Variants in SPTBN1 observed in about 807,000 individuals in gnomAD.
SPTBN1 encodes the protein spectrin beta chain, non-erythrocytic 1.
Under a neutral mutation model 266.4 loss-of-function variants are expected in SPTBN1, and 32 were observed. The observed-to-expected ratio is 0.12, with a 90% CI of 0.09 to 0.16. The LOEUF is 0.16. SPTBN1 is among the 10% of genes least tolerant of loss of function. The probability of loss-of-function intolerance (pLI) is 1.00; values close to 1 mark genes in which losing one functional copy is unlikely to be tolerated. For synonymous variants in SPTBN1, 1,336 were observed against 1,162.2 expected (o/e 1.15, Z -3.04); for missense variants, 2,296 against 3,067.1 (o/e 0.75, Z 5.94).
chr2:54,644,291 T>G (rs760580826), intron 19 of SPTBN1, 32 bp from the exon 20 acceptor site: 1 of 1,583,640 alleles, frequency 6.3e-7, no homozygotes, highest in Non-Finnish European at 8.6e-7. Flanking sequence ...GCAAACTTGT[T>G]TATTTACAAC....
chr2:54,550,286 C>T (rs927606201), intron 2 of SPTBN1, among the ~76,000 whole-genome samples: 2 of 152,172 alleles, frequency 1.3e-5, no homozygotes, highest in Admixed American at 1.3e-4. Flanking sequence ...CTGTGCCCAG[C>T]GAGTGGCTGC....
At chr2:54,642,897 A>T (rs1199469475) in intron 18 of SPTBN1, 86 bp from the exon 19 acceptor site, 3 of 1,511,818 alleles carry the variant, frequency 2.0e-6, no homozygotes, top group Non-Finnish European at 1.8e-6. Context: ...AGTATGCATA[A>T]TATGACATAA....
chr2:54,612,382 G>C, intron 4 of SPTBN1, 48 bp downstream of exon 4: 3 of 1,560,376 alleles, frequency 1.9e-6, no homozygotes, highest in African/African-American at 1.4e-5. Flanking sequence ...CGACCTCTCA[G>C]GTATGAGCAT....
chr2:54,513,166 C>A (rs1245764999), intron 1 of SPTBN1, among the ~76,000 whole-genome samples: 2 of 152,184 alleles, frequency 1.3e-5, no homozygotes, highest in Non-Finnish European at 2.9e-5. Flanking sequence ...CGGAGTGAAT[C>A]CCTGTCTCAA....
At chr2:54,652,424 C>T (rs1572758532) in intron 26 of SPTBN1, 1 of 152,202 alleles carries the variant, frequency 6.6e-6, no homozygotes, top group South Asian at 2.1e-4. Flanking sequence ...CTTCCTCATT[C>T]TTTTTCATGG....
intron 2 of SPTBN1, among the ~76,000 whole-genome samples, chr2:54,575,625 CAG>C (rs1396895716): frequency 6.6e-6 from 1 of 152,226 alleles, no homozygotes; most frequent in African/African-American, 2.4e-5. Context: ...CTTTTGTACA[CAG>C]AGACGTGGAT....
intron 1 of SPTBN1, among the ~76,000 whole-genome samples, chr2:54,480,830 C>T (rs1668056769): frequency 6.6e-6 from 1 of 152,150 alleles, no homozygotes; most frequent in African/African-American, 2.4e-5. Flanking sequence ...CTTAAGCCAG[C>T]TCTTCTTCCT....
chr2:54,545,716 T>G (rs1256979969), intron 2 of SPTBN1, among the ~76,000 whole-genome samples: 1 of 152,136 alleles, frequency 6.6e-6, no homozygotes, highest in African/African-American at 2.4e-5. Context: ...CTAACTTGAC[T>G]TTAGAGAACT....
At chr2:54,659,604 G>GT (rs3215192) in intron 31 of SPTBN1, among the ~76,000 whole-genome samples, 53,236 of 151,788 alleles carry the variant, frequency 0.35, 9,605 homozygotes, top group Middle Eastern at 0.45. Context: ...GTGGTGATGC[G>GT]TTTTTTGAGA....
At chr2:54,530,103 T>C (rs1354311642) in intron 2 of SPTBN1, among the ~76,000 whole-genome samples, 1 of 152,088 alleles carries the variant, frequency 6.6e-6, no homozygotes, top group African/African-American at 2.4e-5. Flanking sequence ...CTCTAGGGCT[T>C]TCGGTAGATA....
rs1681235988 is a variant in SPTBN1, at chr2:54,664,347, CT to C, written c.6421-105del. 3 of 1,163,362 alleles carry C rather than the reference CT, an allele frequency of 2.6e-6. No individual in the cohort carries two copies. Among genetic ancestry groups the C allele is most frequent in the African/African-American group, 1.5e-5 (1 of 65,402 alleles). The allele number at this position is 1,163,362 out of a possible 1,614,324, so 72.1% of individuals were successfully genotyped here. On this transcript the variant is annotated intron_variant, in intron 32 of 35. Coordinates refer to ENST00000356805, the MANE Select transcript of SPTBN1 (RefSeq NM_003128.3). This position sits in a 1 kb window ranked among gnomAD's most constrained non-coding sequence, Gnocchi z 5.6. ...AATGGTTTTACTGTACTGCCTCGAT[CT>C]GTGCCAGGCATTTATACACAGCCAC...
intron 2 of SPTBN1, among the ~76,000 whole-genome samples, chr2:54,592,612 T>A (rs1281591578): frequency 6.6e-6 from 1 of 152,238 alleles, no homozygotes; most frequent in African/African-American, 2.4e-5. Context: ...CTCAAACTAC[T>A]TCTGACCTCA....
chr2:54,472,229 A>G (rs1693966367), intron 1 of SPTBN1, among the ~76,000 whole-genome samples: 1 of 151,840 alleles, frequency 6.6e-6, no homozygotes, highest in South Asian at 2.1e-4. Flanking sequence ...GGGTTTCACC[A>G]TGTTAGCCAG....
intron 1 of SPTBN1, among the ~76,000 whole-genome samples, chr2:54,459,809 C>G (rs1250046340): frequency 2.0e-5 from 3 of 152,166 alleles, no homozygotes; most frequent in African/African-American, 7.2e-5. Context: ...AGTAAAGCAT[C>G]TCATGGGTTT....
chr2:54,511,021 C>G (rs1289940130), intron 1 of SPTBN1, among the ~76,000 whole-genome samples: 1 of 152,184 alleles, frequency 6.6e-6, no homozygotes, highest in Non-Finnish European at 1.5e-5. Flanking sequence ...TGAGGTATCC[C>G]CAGCCTGGGT....
In SPTBN1 at chr2:54,660,010, G is replaced by A. The variant is rs757843844; in HGVS notation, c.6420+11G>A. Reference sequence around the variant, plus strand: ...CAGGGATCTCCACGGGTTAGTTACCGCTCTCAAACCTACCAAAACTACAAA... The same window carrying A: ...CAGGGATCTCCACGGGTTAGTTACCACTCTCAAACCTACCAAAACTACAAA... On this transcript the variant is annotated intron_variant, in intron 32 of 35. Coordinates refer to ENST00000356805, the MANE Select transcript of SPTBN1 (RefSeq NM_003128.3). 81 of 1,614,010 alleles carry A rather than the reference G, an allele frequency of 5.0e-5. No individual in the cohort carries two copies. The highest frequency in any genetic ancestry group is 3.7e-4 in the Admixed American group (22 of 59,996).
At chr2:54,637,576 T>G in intron 17 of SPTBN1, 137 bp from the exon 18 acceptor site, 1 of 677,540 alleles carries the variant, frequency 1.5e-6, no homozygotes, top group East Asian at 2.8e-5. Context: ...TTATCTTGTC[T>G]CCTTCACATT....
Position 54,647,208 on chromosome 2 carries a change from G to A in SPTBN1, c.4944G>A (p.Val1648=). ...EQAVEDYAET[V]HQLSKTSRAL... ...CTGTGGAGGACTATGCAGAGACCGTGCATCAGCTCTCCAAGACCAGCCGGG... is the reference window on the plus strand; with the variant it reads ...CTGTGGAGGACTATGCAGAGACCGTACATCAGCTCTCCAAGACCAGCCGGG... Residue 1648 remains valine (V), a synonymous_variant, in exon 24 of 36, where the codon GTG becomes GTA. Transcript: ENST00000356805. 2 of 1,614,128 alleles carry A rather than the reference G, an allele frequency of 1.2e-6. No homozygotes were observed. The highest frequency in any genetic ancestry group is 1.6e-4 in the Middle Eastern group (1 of 6,062).
chr2:54,485,607 C>G (rs1032614039), intron 1 of SPTBN1, among the ~76,000 whole-genome samples: 1 of 152,188 alleles, frequency 6.6e-6, no homozygotes, highest in African/African-American at 2.4e-5. Flanking sequence ...TCTGCCCGGC[C>G]GCCACCCCAT....
Sources: gnomAD v4.1 joint callset for allele counts (sites outside exome capture counted in the v4.1 genomes callset) on GRCh38, gnomAD v4.1.1 for gene constraint, Gnocchi (gnomAD v3.1) non-coding constraint, MANE v1.5 for transcripts, NCBI Gene and HGNC (gene_info 2026-07-23, HGNC 2026-07-21) for gene names.